GATA6: variants seen among roughly 807,000 people sequenced by gnomAD.
The protein encoded by GATA6 is GATA binding protein 6, also known as transcription factor GATA-6.
In GATA6, 11 loss-of-function variants were observed where a neutral mutation model predicts 48.1. The ratio of observed to expected loss-of-function variants is 0.23; its 90% confidence interval spans 0.14 to 0.38. The LOEUF (loss-of-function observed/expected upper bound fraction) is 0.38, where lower values mean the gene tolerates loss of function less well. GATA6 is among the 10% of genes least tolerant of loss of function. The probability of loss-of-function intolerance (pLI) is 1.00; values close to 1 mark genes in which losing one functional copy is unlikely to be tolerated. For missense variants in GATA6, 795 were observed against 850.3 expected (o/e 0.93, Z 0.81); for synonymous variants, 419 against 396.1 (o/e 1.06, Z -0.69).
At position 22,172,747 on chromosome 18, in the gene GATA6, G is replaced by C. The variant is rs1349810868; in HGVS notation, c.1135+468G>C. On this transcript the variant is annotated intron_variant, in intron 2 of 6. Coordinates refer to ENST00000269216, the MANE Select transcript of GATA6 (RefSeq NM_005257.6). The surrounding 1 kb of genome is among the most constrained non-coding windows in gnomAD (Gnocchi z 5.2). ...CAAACAGACACACAAGCACATGCAGGCTCACCCAGTTTAACTCTCCAAAGG... is the reference window on the plus strand; with the variant it reads ...CAAACAGACACACAAGCACATGCAGCCTCACCCAGTTTAACTCTCCAAAGG... 2.0e-5 allele frequency among the ~76,000 whole-genome samples: 3 copies of C among 152,164 alleles called. No individual in the cohort carries two copies. Among genetic ancestry groups the C allele is most frequent in the African/African-American group, 7.2e-5 (3 of 41,450 alleles).
At chr18:22,198,838 A>T (rs539893129) in intron 6 of GATA6, among the ~76,000 whole-genome samples, 1 of 152,378 alleles carries the variant, frequency 6.6e-6, no homozygotes, top group East Asian at 1.9e-4. Context: ...ACAAGAATCC[A>T]TCTGAAGCTT....
chr18:22,180,231 T>C (rs1268570180), intron 3 of GATA6: 1 of 152,174 alleles, frequency 6.6e-6, no homozygotes, highest in Non-Finnish European at 1.5e-5. Flanking sequence ...ATTTTTTTTT[T>C]AACTGAAGCT....
intron 6 of GATA6, among the ~76,000 whole-genome samples, chr18:22,198,675 T>A (rs1178060656): frequency 6.6e-6 from 1 of 152,156 alleles, no homozygotes; most frequent in African/African-American, 2.4e-5. Context: ...TTTGCTTATT[T>A]CTTTGAGGGT....
At chr18:22,169,883 C>T (rs1188357002) in intron 1 of GATA6, among the ~76,000 whole-genome samples, 1 of 152,226 alleles carries the variant, frequency 6.6e-6, no homozygotes, top group Non-Finnish European at 1.5e-5. Context: ...CTCTTTTTCT[C>T]TCCTCGAAGC....
chr18:22,171,421 G>C lies in GATA6; in HGVS notation c.277G>C (p.Gly93Arg), dbSNP rs529881815. 5.7e-6 allele frequency: 9 copies of C among 1,590,166 alleles called. No individual in the cohort carries two copies. The highest frequency in any genetic ancestry group is 5.4e-5 in the African/African-American group (4 of 74,616). Reference sequence around the variant, plus strand: ...TTCGCATCCCTTCGGGGCTCCCCACGGACCTTCGGCGCCTGGGGTCGCGGG... The same window carrying C: ...TTCGCATCCCTTCGGGGCTCCCCACCGACCTTCGGCGCCTGGGGTCGCGGG... ...YASHPFGAPH[G>R]PSAPGVAGPG... is the part of the protein sequence containing the mutation. Residue 93 changes from glycine (G) to arginine (R), a missense_variant, in exon 2 of 7, where the codon GGA becomes CGA. Coordinates refer to ENST00000269216, the MANE Select transcript of GATA6 (RefSeq NM_005257.6). This position sits in a 1 kb window ranked among gnomAD's most constrained non-coding sequence, Gnocchi z 7.1.
intron 6 of GATA6, among the ~76,000 whole-genome samples, chr18:22,189,660 T>G (rs1203615353): frequency 6.6e-6 from 1 of 152,082 alleles, no homozygotes; most frequent in Non-Finnish European, 1.5e-5. Flanking sequence ...AGAAAATTAG[T>G]GCTTCATTTT....
rs945674609 is a variant in GATA6, at chr18:22,172,358, C to T, written c.1135+79C>T. 2.9e-5 allele frequency: 43 copies of T among 1,491,478 alleles called. No individual in the cohort carries two copies. Among genetic ancestry groups the T allele is most frequent in the Non-Finnish European group, 3.7e-5 (41 of 1,121,370 alleles). The allele number at this position is 1,491,478 out of a possible 1,614,324, so 92.4% of individuals were successfully genotyped here. On this transcript the variant is annotated intron_variant, in intron 2 of 6. Transcript: ENST00000269216. This position sits in a 1 kb window ranked among gnomAD's most constrained non-coding sequence, Gnocchi z 5.2. ...GGGGACGTGGAGCAGCTGCTCCACT[C>T]GGGCCCTGTTTTCAGGACTTTCTCG...
intron 6 of GATA6, among the ~76,000 whole-genome samples, chr18:22,189,086 C>T (rs2033297423): frequency 6.6e-6 from 1 of 152,170 alleles, no homozygotes. Flanking sequence ...TGGTCTGTTT[C>T]TTGCTAGTAA....
rs747422213 is a variant in GATA6 at position 22,171,513 on chromosome 18, C to A, written c.369C>A (p.Thr123=). The part of the protein sequence containing the change: ...LLFTDLDQAA[T]ASKLLWSSRG... Reference sequence around the variant, plus strand: ...TCACTGACCTCGACCAAGCCGCGACCGCCAGCAAGCTGCTGTGGTCCAGCC... The same window carrying A: ...TCACTGACCTCGACCAAGCCGCGACAGCCAGCAAGCTGCTGTGGTCCAGCC... Residue 123 remains threonine, a synonymous_variant, in exon 2 of 7, where the codon ACC becomes ACA. Coordinates refer to ENST00000269216, the MANE Select transcript of GATA6 (RefSeq NM_005257.6). This position sits in a 1 kb window ranked among gnomAD's most constrained non-coding sequence, Gnocchi z 7.1. The A allele has an allele frequency of 2.5e-6, 4 of 1,603,352 alleles. No individual in the cohort carries two copies. The highest frequency in any genetic ancestry group is 3.4e-6 in the Non-Finnish European group (4 of 1,179,630).
intron 3 of GATA6, among the ~76,000 whole-genome samples, chr18:22,179,532 G>C (rs2033167852): frequency 6.6e-6 from 1 of 152,192 alleles, no homozygotes; most frequent in Non-Finnish European, 1.5e-5. Context: ...CTGATAACAA[G>C]TTTGCTTCAC....
In GATA6 at chr18:22,171,909, C is replaced by G. The variant is rs926270539; in HGVS notation, c.765C>G (p.Ala255=). ...CGGGGCCTGGCGGCGCTGGCTCAGC[C>G]GCGGCGCACGTCTCGGCGCGCTTCC... ...GAAGPGGAGS[A]AAHVSARFPY... is the part of the protein sequence containing the mutation. The change falls in exon 2 of 7, where the codon GCC becomes GCG. Residue 255 remains alanine, a synonymous_variant. Coordinates refer to ENST00000269216, the MANE Select transcript of GATA6 (RefSeq NM_005257.6). The surrounding 1 kb of genome is among the most constrained non-coding windows in gnomAD (Gnocchi z 7.1). 1.0e-5 allele frequency: 12 copies of G among 1,164,392 alleles called. No homozygotes were observed. The highest frequency in any genetic ancestry group is 1.6e-5 in the African/African-American group (1 of 61,620). 72.1% of individuals were successfully genotyped at this position (1,164,392 alleles called of 1,614,324 possible).
chr18:22,172,008 G>A lies in GATA6; in HGVS notation c.864G>A (p.Gly288=). The change falls in exon 2 of 7, where the codon GGG becomes GGA. Residue 288 remains glycine (G), a synonymous_variant. Transcript: ENST00000269216. The surrounding 1 kb of genome is among the most constrained non-coding windows in gnomAD (Gnocchi z 5.2). ...EPGGYAAAGS[G]GAGGVSGGGS... is the part of the protein sequence containing the mutation. ...GAGGCTACGCGGCGGCGGGCAGTGG[G>A]GGCGCGGGAGGCGTGAGCGGCGGCG... 2 of 1,237,942 alleles carry A rather than the reference G, an allele frequency of 1.6e-6. No homozygotes were observed. Among genetic ancestry groups the A allele is most frequent in the Non-Finnish European group, 2.0e-6 (2 of 993,218 alleles). The allele number at this position is 1,237,942 out of a possible 1,614,324, so 76.7% of individuals were successfully genotyped here.
intron 2 of GATA6, chr18:22,175,423 G>A (rs1370996793): frequency 1.3e-5 from 2 of 152,096 alleles, no homozygotes; most frequent in Non-Finnish European, 2.9e-5. Flanking sequence ...TATCCAGAGG[G>A]GCTCTGATAG....
At position 22,200,966 on chromosome 18, in the gene GATA6, C is replaced by A; in HGVS notation, c.*143C>A. 1.0e-6 allele frequency: 1 copy of A among 992,498 alleles called. No individual in the cohort carries two copies. Among genetic ancestry groups the A allele is most frequent in the Non-Finnish European group, 1.5e-6 (1 of 682,914 alleles). 61.5% of individuals were successfully genotyped at this position (992,498 alleles called of 1,614,324 possible). On this transcript the variant is annotated 3_prime_UTR_variant, in exon 7 of 7. Transcript: ENST00000269216. ...TTTATTTTGAAAGAGATGTTTTTCC[C>A]AAGAGGCTTGCTGAAAGAGTGAGAG... is the stretch of plus-strand genomic sequence containing the variant.
chr18:22,178,822 C>T (rs1206869376), intron 3 of GATA6, among the ~76,000 whole-genome samples: 1 of 152,210 alleles, frequency 6.6e-6, no homozygotes, highest in Non-Finnish European at 1.5e-5. Context: ...GGAAAATATC[C>T]CACAGAAGTT....
At chr18:22,186,431 C>T (rs1186638550) in intron 6 of GATA6, among the ~76,000 whole-genome samples, 1 of 152,166 alleles carries the variant, frequency 6.6e-6, no homozygotes, top group Non-Finnish European at 1.5e-5. Context: ...TTTAATTCCC[C>T]ACTGAAAAAT....
At chr18:22,181,713 T>C in intron 4 of GATA6, 135 bp downstream of exon 4, 2 of 881,466 alleles carry the variant, frequency 2.3e-6, no homozygotes, top group Non-Finnish European at 3.7e-6. Flanking sequence ...CTGAATATGT[T>C]TAATATATTC....
At chr18:22,173,455 C>T (rs553629351) in intron 2 of GATA6, among the ~76,000 whole-genome samples, 17 of 152,274 alleles carry the variant, frequency 1.1e-4, no homozygotes, top group Admixed American at 9.2e-4. Flanking sequence ...GTCTGTGCTT[C>T]TCGTGGGAGC....
intron 6 of GATA6, among the ~76,000 whole-genome samples, chr18:22,186,805 A>G (rs1377062167): frequency 1.3e-5 from 2 of 152,158 alleles, no homozygotes; most frequent in Non-Finnish European, 2.9e-5. Flanking sequence ...AGCTTTATAT[A>G]CTTGTTAATC....
Sources: gnomAD v4.1 joint callset for allele counts (sites outside exome capture counted in the v4.1 genomes callset) on GRCh38, gnomAD v4.1.1 for gene constraint, Gnocchi (gnomAD v3.1) non-coding constraint, MANE v1.5 for transcripts, NCBI Gene and HGNC (gene_info 2026-07-23, HGNC 2026-07-21) for gene names.